Variants in ZNF385B observed in about 807,000 individuals in gnomAD.
ZNF385B encodes the protein zinc finger protein 533.
ZNF385B carries 23 observed loss-of-function variants against 39.2 expected under a neutral mutation model. The observed-to-expected ratio is 0.59, with a 90% confidence interval of 0.42 to 0.83. ZNF385B has a LOEUF of 0.83. ZNF385B is among the 40% of genes least tolerant of loss of function. The probability of loss-of-function intolerance (pLI) is 0.00; values close to 1 mark genes in which losing one functional copy is unlikely to be tolerated. For synonymous variants in ZNF385B, 205 were observed against 222.6 expected (o/e 0.92, Z 0.70); for missense variants, 552 against 598.9 (o/e 0.92, Z 0.82).
chr2:179,809,059 G>A (rs774000679), intron 1 of ZNF385B, among the ~76,000 whole-genome samples: 3 of 152,160 alleles, frequency 2.0e-5, no homozygotes, highest in Non-Finnish European at 2.9e-5. Flanking sequence ...TTTGAATCAG[G>A]TTGATAGCTG....
chr2:179,726,143 C>T (rs1247310092), intron 3 of ZNF385B, among the ~76,000 whole-genome samples: 1 of 151,926 alleles, frequency 6.6e-6, no homozygotes, highest in African/African-American at 2.4e-5. Context: ...TCCTTTACAA[C>T]AAGTATGAAA....
chr2:179,594,580 C>T (rs914717452), intron 3 of ZNF385B, among the ~76,000 whole-genome samples: 1 of 152,104 alleles, frequency 6.6e-6, no homozygotes, highest in Non-Finnish European at 1.5e-5. Flanking sequence ...TGGCACTTGG[C>T]CTAAGGTTGA....
At chr2:179,451,251 T>TAAAAAAAAAAAA (rs71029810) in intron 6 of ZNF385B, among the ~76,000 whole-genome samples, 1 of 134,844 alleles carries the variant, frequency 7.4e-6, no homozygotes, top group African/African-American at 2.7e-5. Context: ...AAAGTATAAT[T>TAAAAAAAAAAAA]AAAAAAAAAA....
chr2:179,782,425 A>G (rs1251095640), intron 1 of ZNF385B, among the ~76,000 whole-genome samples: 1 of 152,176 alleles, frequency 6.6e-6, no homozygotes. Context: ...AACCAGCACA[A>G]GACAAGGATG....
chr2:179,861,056 G>C (rs1422885429), intron 1 of ZNF385B, 45 bp downstream of exon 1: 1 of 163,242 alleles, frequency 6.1e-6, no homozygotes, highest in Non-Finnish European at 1.5e-5. Context: ...AGCAGAGGGC[G>C]CCCAGTCCGG....
intron 3 of ZNF385B, among the ~76,000 whole-genome samples, chr2:179,696,194 T>TA (rs938948198): frequency 1.2e-4 from 19 of 152,092 alleles, no homozygotes; most frequent in African/African-American, 4.6e-4. Context: ...TTGTAAAACT[T>TA]ACTGTGGTGA....
chr2:179,771,453 G>A (rs1704007297), intron 1 of ZNF385B, among the ~76,000 whole-genome samples: 2 of 152,146 alleles, frequency 1.3e-5, no homozygotes, highest in African/African-American at 4.8e-5. Context: ...ACTTTAACCT[G>A]ATAATGCCAT....
intron 3 of ZNF385B, among the ~76,000 whole-genome samples, chr2:179,657,404 C>A (rs1287389948): frequency 6.6e-6 from 1 of 152,190 alleles, no homozygotes; most frequent in South Asian, 2.1e-4. Context: ...AGAAACTGCT[C>A]AAAACCGTGG....
At chr2:179,835,658 A>G (rs1402399307) in intron 1 of ZNF385B, among the ~76,000 whole-genome samples, 21 of 151,380 alleles carry the variant, frequency 1.4e-4, no homozygotes, top group Admixed American at 1.3e-3. Flanking sequence ...CCCCATCCCC[A>G]CTTCCTTCTT....
intron 1 of ZNF385B, among the ~76,000 whole-genome samples, chr2:179,817,610 A>C (rs1707144109): frequency 6.6e-6 from 1 of 152,154 alleles, no homozygotes; most frequent in Non-Finnish European, 1.5e-5. Flanking sequence ...ACCGGGGAAG[A>C]AAGCCAGAGC....
chr2:179,769,236 A>G (rs1290305635), intron 3 of ZNF385B, among the ~76,000 whole-genome samples: 1 of 152,198 alleles, frequency 6.6e-6, no homozygotes, highest in African/African-American at 2.4e-5. Context: ...GTGTTCACAC[A>G]TTGTGGGGAT....
chr2:179,678,352 CCTAT>C (rs1417861559), intron 3 of ZNF385B, among the ~76,000 whole-genome samples: 2 of 152,130 alleles, frequency 1.3e-5, no homozygotes, highest in African/African-American at 4.8e-5. Flanking sequence ...TGGAATAAAG[CCTAT>C]ATTTCCCAGC....
chr2:179,468,732 G>C (rs1191668514), intron 6 of ZNF385B, among the ~76,000 whole-genome samples: 1 of 152,124 alleles, frequency 6.6e-6, no homozygotes, highest in Non-Finnish European at 1.5e-5. Flanking sequence ...CACTGGCAAT[G>C]GAAAAGTCAG....
intron 1 of ZNF385B, among the ~76,000 whole-genome samples, chr2:179,793,624 G>A (rs1218607449): frequency 6.6e-6 from 1 of 152,160 alleles, no homozygotes; most frequent in Non-Finnish European, 1.5e-5. Flanking sequence ...AGTTTCCTGA[G>A]GCCTCCTCAG....
Position 179,444,886 on chromosome 2 carries a change from C to T in ZNF385B, c.1232G>A (p.Ser411Asn). 2 of 1,614,092 alleles carry T rather than the reference C, an allele frequency of 1.2e-6. No individual in the cohort carries two copies. The highest frequency in any genetic ancestry group is 1.7e-6 in the Non-Finnish European group (2 of 1,179,954). ...SPYNKLQRSP[S>N]ILAAKLAFQK... is the part of the protein sequence containing the mutation. The stretch of plus-strand genomic sequence containing the variant: ...GTGAGGTAAACTTACTGCTAGAATA[C>T]TCGGGCTCCGCTGGAGTTTGTTGTA... The change falls in exon 9 of 10, where the codon AGT (serine) becomes AAT (asparagine). Residue 411 changes from serine (S) to asparagine (N), a missense_variant. Physicochemically the swap from Ser to Asn is conservative, Grantham distance 46. Coordinates refer to ENST00000410066, the MANE Select transcript of ZNF385B (RefSeq NM_152520.6).
chr2:179,632,602 A>C (rs1691336432), intron 3 of ZNF385B, among the ~76,000 whole-genome samples: 1 of 152,270 alleles, frequency 6.6e-6, no homozygotes, highest in African/African-American at 2.4e-5. Context: ...GAAGGCAGGA[A>C]AGATCTCAAA....
intron 1 of ZNF385B, among the ~76,000 whole-genome samples, chr2:179,770,938 C>T (rs568124411): frequency 2.6e-4 from 40 of 151,880 alleles, no homozygotes; most frequent in Non-Finnish European, 4.3e-4. Flanking sequence ...ACCAGGAATA[C>T]CAGCATTTTC....
intron 3 of ZNF385B, among the ~76,000 whole-genome samples, chr2:179,654,295 T>C (rs1203683459): frequency 3.3e-5 from 5 of 152,016 alleles, no homozygotes; most frequent in African/African-American, 4.8e-5. Flanking sequence ...GAGTAAAACA[T>C]TAAGAAGTTT....
chr2:179,608,700 C>T (rs1240989675), intron 3 of ZNF385B, among the ~76,000 whole-genome samples: 1 of 152,054 alleles, frequency 6.6e-6, no homozygotes, highest in Non-Finnish European at 1.5e-5. Context: ...TTCAGGACAT[C>T]TGGAAATGGA....
Sources: allele counts gnomAD v4.1 joint callset (sites outside exome capture counted in the v4.1 genomes callset), GRCh38; gene constraint gnomAD v4.1.1; transcripts MANE v1.5; gene names NCBI Gene and HGNC (gene_info 2026-07-23, HGNC 2026-07-21).